The following CCDC14 variants were observed in gnomAD, a reference collection of about 807,000 sequenced individuals.
CCDC14 encodes the protein coiled-coil domain containing 14, also known as coiled-coil domain-containing protein 14.
Under a neutral mutation model 81.4 loss-of-function variants are expected in CCDC14, and 71 were observed. The observed-to-expected ratio is 0.87, with a 90% CI of 0.72 to 1.06. The LOEUF is 1.06. Among genes scored for constraint, CCDC14 ranks in the 50% least tolerant of loss-of-function variants. The pLI is 0.00. For synonymous variants in CCDC14, 332 were observed against 364.8 expected, an observed-to-expected ratio of 0.91 and a Z score of 1.03; for missense variants, 1,046 against 1,047.3, an observed-to-expected ratio of 1.00 and a Z score of 0.02.
chr3:123,961,040 T>G, intron 1 of CCDC14, 104 bp downstream of exon 1: 3 of 1,013,078 alleles, frequency 3.0e-6, no homozygotes, highest in Non-Finnish European at 4.3e-6. Context: ...TGTCGCCGCA[T>G]TGTCTTTGTC....
intron 12 of CCDC14, among the ~76,000 whole-genome samples, chr3:123,919,209 T>G (rs1431125549): frequency 6.6e-6 from 1 of 152,182 alleles, no homozygotes; most frequent in Non-Finnish European, 1.5e-5. Context: ...TACATATAGT[T>G]TCCTGAGGCC....
At position 123,956,104 on chromosome 3, in the gene CCDC14, TAC is replaced by T. The variant is rs775423763; in HGVS notation, c.169_170del (p.Val57ThrfsTer4). ...AAGAAGCACAACCATCAAGCCCGTGTACAGTTTCAGCCTGTAAGAAATAAAGT... is the reference window on the plus strand; with the variant it reads ...AAGAAGCACAACCATCAAGCCCGTGTAGTTTCAGCCTGTAAGAAATAAAGT... The part of the protein sequence containing the change: ...HSDSESQAET[V>X]HGLDGCASLL... On this transcript the variant is annotated frameshift_variant, in exon 4 of 13. Transcript: ENST00000409697. LOFTEE classifies it high-confidence loss of function. The T allele has an allele frequency of 8.1e-5, 125 of 1,547,088 alleles. No individual in the cohort carries two copies. The highest frequency in any genetic ancestry group is 2.2e-4 in the East Asian group (9 of 40,818).
rs567759803 is a variant in CCDC14, at chr3:123,899,358, GATACCACCA to G, written c.668-1754_668-1746del. ...CATCTCATGCCCTCACATGGTTTCAGATACCACCAGTGATCCCCAAATGTAAATCTCTAG... is the reference window on the plus strand; with the variant it reads ...CATCTCATGCCCTCACATGGTTTCAGGTGATCCCCAAATGTAAATCTCTAG... On this transcript the variant is annotated intron_variant, in intron 5 of 5. Coordinates refer to the CCDC14 transcript ENST00000479903. Among the ~76,000 whole-genome samples, 104 of 152,270 alleles carry G rather than the reference GATACCACCA, an allele frequency of 6.8e-4. 2 individuals are homozygous for G. The South Asian group carries it at 0.011, about 16-fold the overall frequency.
chr3:123,947,037 T>C lies in CCDC14; in HGVS notation c.967A>G (p.Thr323Ala), dbSNP rs543815027. The C allele has an allele frequency of 3.9e-5, 63 of 1,614,034 alleles. No individual in the cohort carries two copies. In the South Asian group the frequency reaches 5.7e-4, roughly 15 times the overall value. Reference protein sequence around the residue: ...HGKETHLDSQTHRSPTQSQPA... With the variant: ...HGKETHLDSQAHRSPTQSQPA... ...TGTGACTGAGTAGGGCTTCGGTGTG[T>C]CTGACTGTCCAGATGCGTTTCTTTT... Residue 323 changes from threonine (T) to alanine (A), a missense_variant, in exon 8 of 13, where the codon ACA (threonine) becomes GCA (alanine). Physicochemically the swap from Thr to Ala is moderately conservative, Grantham distance 58. Coordinates refer to ENST00000409697, the MANE Select transcript of CCDC14 (RefSeq NM_001366335.1).
Position 123,915,174 on chromosome 3 carries a change from T to C in CCDC14, c.2323A>G (p.Asn775Asp), listed in dbSNP as rs776380637. Reference protein sequence around the residue: ...NSGLAVSGKENKLCTPVICSS... With the variant: ...NSGLAVSGKEDKLCTPVICSS... ...CAGATTACAGGTGTACACAGTTTAT[T>C]TTCTTTTCCAGAGACAGCAAGTCCG... The change falls in exon 13 of 13, where the codon AAT becomes GAT. Residue 775 changes from asparagine (N) to aspartate (D), a missense_variant. Asn to Asp is a conservative substitution (Grantham distance 23). Coordinates refer to ENST00000409697, the MANE Select transcript of CCDC14 (RefSeq NM_001366335.1). 4 of 1,613,712 alleles carry C rather than the reference T, an allele frequency of 2.5e-6. No individual in the cohort carries two copies. The highest frequency in any genetic ancestry group is 3.4e-6 in the Non-Finnish European group (4 of 1,179,686).
At chr3:123,907,684 G>T (rs777137904) in intron 5 of CCDC14, among the ~76,000 whole-genome samples, 5 of 151,378 alleles carry the variant, frequency 3.3e-5, no homozygotes, top group African/African-American at 9.7e-5. Context: ...CAGCCTGGGC[G>T]ACAGAGCGAG....
downstream of CCDC14, among the ~76,000 whole-genome samples, chr3:123,913,000 A>G (rs2148771846): frequency 6.6e-6 from 1 of 152,314 alleles, no homozygotes; most frequent in South Asian, 2.1e-4. Context: ...TGTTCACAGG[A>G]TTACCCAAAT....
intron 9 of CCDC14, among the ~76,000 whole-genome samples, chr3:123,934,690 TAAG>T (rs2035961811): frequency 6.6e-6 from 1 of 152,208 alleles, no homozygotes; most frequent in African/African-American, 2.4e-5. Context: ...TCTTTACTTC[TAAG>T]AAGTTATCGC....
Position 123,915,234 on chromosome 3 carries a change from T to C in CCDC14, c.2263A>G (p.Ile755Val). ...ACTAGCTGTGTTGTAGCTGCTCTTA[T>C]TTGTGGCTGAGGGGATAGTCTCTTA... ...LSKRLSPQPQ[I>V]RAATTQLVSN... The change falls in exon 13 of 13, where the codon ATA becomes GTA. Residue 755 changes from isoleucine (I) to valine (V), a missense_variant. Physicochemically the swap from Ile to Val is conservative, Grantham distance 29. Coordinates refer to ENST00000409697, the MANE Select transcript of CCDC14 (RefSeq NM_001366335.1). 6.2e-7 allele frequency: 1 copy of C among 1,613,798 alleles called. No homozygotes were observed. The highest frequency in any genetic ancestry group is 8.5e-7 in the Non-Finnish European group (1 of 1,179,772).
chr3:123,930,485 A>G (rs754670526), intron 12 of CCDC14, among the ~76,000 whole-genome samples: 17 of 152,252 alleles, frequency 1.1e-4, no homozygotes, highest in Non-Finnish European at 1.9e-4. Context: ...ATCTCAAAAG[A>G]AAACTGAATT....
chr3:123,955,458 G>GAT (rs142461577), intron 5 of CCDC14: 13,149 of 149,712 alleles, frequency 0.088, 1,370 homozygotes, highest in East Asian at 0.42. Flanking sequence ...ACCAACTTAG[G>GAT]ATATATATAT....
intron 12 of CCDC14, among the ~76,000 whole-genome samples, chr3:123,925,556 C>T (rs2148828070): frequency 6.6e-6 from 1 of 152,224 alleles, no homozygotes; most frequent in South Asian, 2.1e-4. Context: ...CTGCCTCAGC[C>T]TTCCGAGTAG....
intron 5 of CCDC14, among the ~76,000 whole-genome samples, chr3:123,901,089 G>A (rs899185577): frequency 2.6e-5 from 4 of 151,850 alleles, no homozygotes; most frequent in Non-Finnish European, 2.9e-5. Flanking sequence ...AAAATTAGCC[G>A]GGCATGGAAG....
chr3:123,961,114 C>A, intron 1 of CCDC14, 30 bp downstream of exon 1: 1 of 1,536,140 alleles, frequency 6.5e-7, no homozygotes, highest in Non-Finnish European at 8.8e-7. Flanking sequence ...TCCATCCCCA[C>A]AGCGGACTCC....
At chr3:123,951,768 C>T (rs961553671) in intron 5 of CCDC14, among the ~76,000 whole-genome samples, 15 of 152,292 alleles carry the variant, frequency 9.8e-5, no homozygotes, top group Non-Finnish European at 1.2e-4. Context: ...TATGCCTCAG[C>T]CAGCAGATGT....
intron 5 of CCDC14, 183 bp from the exon 6 acceptor site, chr3:123,949,315 G>GT: frequency 1.8e-6 from 1 of 568,780 alleles, no homozygotes; most frequent in South Asian, 2.4e-5. Context: ...AGTAATTAGT[G>GT]TTTAAGTTTC....
At chr3:123,917,349 G>T (rs1327980378) in intron 12 of CCDC14, among the ~76,000 whole-genome samples, 4 of 151,392 alleles carry the variant, frequency 2.6e-5, no homozygotes, top group Non-Finnish European at 5.9e-5. Flanking sequence ...ACAAAAATTA[G>T]CTGGGCATGG....
intron 10 of CCDC14, among the ~76,000 whole-genome samples, chr3:123,933,113 C>CAAAT (rs1344855912): frequency 8.4e-6 from 1 of 119,234 alleles, no homozygotes; most frequent in African/African-American, 3.3e-5. Context: ...AACAAACAAA[C>CAAAT]AAACAAACAA....
intron 12 of CCDC14, 57 bp from the exon 13 acceptor site, chr3:123,915,775 C>T: frequency 3.2e-6 from 4 of 1,265,952 alleles, no homozygotes; most frequent in Middle Eastern, 3.9e-4. Context: ...CTTTAATTCA[C>T]TTATCTATAC....
Sources: allele counts gnomAD v4.1 joint callset (sites outside exome capture counted in the v4.1 genomes callset), GRCh38; gene constraint gnomAD v4.1.1; transcripts MANE v1.5; gene names NCBI Gene and HGNC (gene_info 2026-07-23, HGNC 2026-07-21).